Variants in ACSL5 observed in about 807,000 individuals in gnomAD.
ACSL5 encodes long-chain-fatty-acid--CoA ligase 5.
In ACSL5, 50 loss-of-function variants were observed where a neutral mutation model predicts 84.9. That is an observed-to-expected ratio of 0.59 (90% CI 0.47 to 0.75). The LOEUF is 0.75. Among genes scored for constraint, ACSL5 ranks in the 30% least tolerant of loss-of-function variants. The pLI is 0.00. For missense variants in ACSL5, 775 were observed against 830.4 expected, an observed-to-expected ratio of 0.93 and a Z score of 0.82; for synonymous variants, 280 against 300.7, an observed-to-expected ratio of 0.93 and a Z score of 0.71.
At chr10:112,397,329 C>T (rs1334773442) in intron 2 of ACSL5, among the ~76,000 whole-genome samples, 2 of 151,940 alleles carry the variant, frequency 1.3e-5, no homozygotes, top group African/African-American at 2.4e-5. Flanking sequence ...GCCACCACAC[C>T]CAGCTAATTT....
Position 112,410,471 on chromosome 10 carries a change from C to A in ACSL5, c.720C>A (p.Gly240=). 1 of 1,614,146 alleles carries A rather than the reference C, an allele frequency of 6.2e-7. No homozygotes were observed. The highest frequency in any genetic ancestry group is 8.5e-7 in the Non-Finnish European group (1 of 1,180,004). The part of the protein sequence containing the change: ...ILSLYDAENL[G]KEHFRKPVPP... ...GTTTTCCATTCACATAGAACCTAGG[C>A]AAAGAGCACTTCAGAAAACCTGTGG... Residue 240 remains glycine (G), a synonymous_variant, in exon 8 of 21, where the codon GGC becomes GGA. Coordinates refer to ENST00000354655, the MANE Select transcript of ACSL5 (RefSeq NM_203379.2).
In ACSL5 at chr10:112,410,280, C is replaced by T. The variant is rs1240466760; in HGVS notation, c.712-183C>T. 8 of 1,542,960 alleles carry T rather than the reference C, an allele frequency of 5.2e-6. No homozygotes were observed. In the African/African-American group the frequency reaches 9.6e-5, roughly 19 times the overall value. On this transcript the variant is annotated intron_variant, in intron 7 of 20. Coordinates refer to ENST00000354655, the MANE Select transcript of ACSL5 (RefSeq NM_203379.2). ...TAGGTAGATGATTTTCTAGAGAAAT[C>T]TTATGCTCTTCCCTGGGGCTTCCAT... is the stretch of plus-strand genomic sequence containing the variant.
chr10:112,417,244 T>C (rs974582201), intron 13 of ACSL5, among the ~76,000 whole-genome samples: 1 of 144,126 alleles, frequency 6.9e-6, no homozygotes, highest in African/African-American at 2.6e-5. Context: ...GGCTCACACC[T>C]GTAATCCCAG....
At chr10:112,377,083 C>T (rs1422135710) in intron 1 of ACSL5, among the ~76,000 whole-genome samples, 1 of 149,056 alleles carries the variant, frequency 6.7e-6, no homozygotes, top group Non-Finnish European at 1.5e-5. Context: ...GGGACTCTAC[C>T]ACCGGAGACC....
intron 3 of ACSL5, among the ~76,000 whole-genome samples, chr10:112,401,318 T>C (rs1032455748): frequency 5.7e-4 from 87 of 152,360 alleles, no homozygotes; most frequent in African/African-American, 2.0e-3. Flanking sequence ...TTGGGGCTAC[T>C]GTTTAAAATA....
Position 112,425,417 on chromosome 10 carries a change from T to C in ACSL5, c.1673T>C (p.Ile558Thr), listed in dbSNP as rs144236262. The C allele has an allele frequency of 1.3e-4, 207 of 1,613,634 alleles. 1 individual carries two copies. Among genetic ancestry groups the C allele is most frequent in the South Asian group, 3.0e-4 (27 of 91,038 alleles). The change falls in exon 18 of 21, where the codon ATA becomes ACA. Residue 558 changes from isoleucine to threonine, a missense_variant. Physicochemically the swap from Ile to Thr is moderately conservative, Grantham distance 89. Coordinates refer to ENST00000354655, the MANE Select transcript of ACSL5 (RefSeq NM_203379.2). ...GGAGAATACATTGCACCAGAGAAGATAGAAAATATCTACAACAGGAGTCAA... is the reference window on the plus strand; with the variant it reads ...GGAGAATACATTGCACCAGAGAAGACAGAAAATATCTACAACAGGAGTCAA... The part of the protein sequence containing the change: ...AQGEYIAPEK[I>T]ENIYNRSQPV...
chr10:112,404,606 C>G, intron 4 of ACSL5, 31 bp downstream of exon 4: 1 of 1,605,762 alleles, frequency 6.2e-7, no homozygotes, highest in Non-Finnish European at 8.5e-7. Flanking sequence ...TAGACAGATT[C>G]TTTCTAACAT....
Position 112,408,478 on chromosome 10 carries a change from T to C in ACSL5, c.489T>C (p.Tyr163=), listed in dbSNP as rs1177290531. 6.2e-7 allele frequency: 1 copy of C among 1,613,774 alleles called. No individual in the cohort carries two copies. ...YTYSMVAVPL[Y]DTLGPEAIVH... ...ACTCTATGGTAGCTGTACCTCTGTA[T>C]GACACCTTGGGACCAGAAGCCATCG... The change falls in exon 6 of 21, where the codon TAT becomes TAC. Residue 163 remains tyrosine (Y), a synonymous_variant. Transcript: ENST00000354655.
At chr10:112,409,148 T>C (rs1460898210) in intron 6 of ACSL5, 1 of 197,318 alleles carries the variant, frequency 5.1e-6, no homozygotes, top group African/African-American at 2.3e-5. Context: ...AAATCCTATT[T>C]GCCCCCTTCT....
intron 1 of ACSL5, among the ~76,000 whole-genome samples, chr10:112,386,181 C>CTTTTTTTTTTTTTTT (rs11286757): frequency 1.4e-5 from 1 of 71,794 alleles, no homozygotes; most frequent in African/African-American, 5.6e-5. Flanking sequence ...TCCTATAGCT[C>CTTTTTTTTTTTTTTT]TTTTTTTTTT....
intron 1 of ACSL5, among the ~76,000 whole-genome samples, chr10:112,385,429 G>T (rs992373865): frequency 3.3e-5 from 5 of 152,196 alleles, no homozygotes; most frequent in Admixed American, 3.3e-4. Context: ...TACATTTTAT[G>T]ATGTGTAGAG....
intron 1 of ACSL5, among the ~76,000 whole-genome samples, chr10:112,387,518 G>T (rs1199764841): frequency 1.3e-5 from 2 of 152,180 alleles, no homozygotes; most frequent in African/African-American, 4.8e-5. Flanking sequence ...TAGGTTGAGG[G>T]TGGCAGGAAT....
chr10:112,395,010 A>G lies in ACSL5; in HGVS notation c.64A>G (p.Thr22Ala), dbSNP rs1200701748. ...GACCCCGGCGTTGATCTGCATCCTG[A>G]CATTTGGAGCTGCCATCTTCTTGTG... ...LPTPALICIL[T>A]FGAAIFLWLI... The change falls in exon 2 of 21, where the codon ACA (threonine) becomes GCA (alanine). Residue 22 changes from threonine to alanine, a missense_variant. Physicochemically the swap from Thr to Ala is moderately conservative, Grantham distance 58 (BLOSUM62 0). Transcript: ENST00000354655. 6.2e-7 allele frequency: 1 copy of G among 1,613,716 alleles called. No homozygotes were observed. The highest frequency in any genetic ancestry group is 1.3e-5 in the African/African-American group (1 of 74,794).
Position 112,408,500 on chromosome 10 carries a change from A to C in ACSL5, c.511A>C (p.Ile171Leu). 1 of 1,611,898 alleles carries C rather than the reference A, an allele frequency of 6.2e-7. No homozygotes were observed. The highest frequency in any genetic ancestry group is 8.5e-7 in the Non-Finnish European group (1 of 1,177,996). Residue 171 changes from isoleucine (I) to leucine (L), a missense_variant, in exon 6 of 21, where the codon ATC (isoleucine) becomes CTC (leucine). Ile to Leu is a conservative substitution (Grantham distance 5). Coordinates refer to ENST00000354655, the MANE Select transcript of ACSL5 (RefSeq NM_203379.2). The part of the protein sequence containing the change: ...PLYDTLGPEA[I>L]VHIVNKADIA... ...GTATGACACCTTGGGACCAGAAGCC[A>C]TCGTACATATTGTCAACAAGGGTAA...
chr10:112,424,232 A>C (rs908035609), intron 17 of ACSL5, among the ~76,000 whole-genome samples: 2 of 152,248 alleles, frequency 1.3e-5, no homozygotes, highest in African/African-American at 4.8e-5. Context: ...AGTTTTCCTA[A>C]GAAGAAAGGA....
intron 16 of ACSL5, 123 bp downstream of exon 16, chr10:112,422,158 T>C: frequency 8.2e-7 from 1 of 1,214,728 alleles, no homozygotes; most frequent in South Asian, 1.3e-5. Flanking sequence ...AATTAAGCAT[T>C]CTGAACTTCA....
intron 2 of ACSL5, among the ~76,000 whole-genome samples, chr10:112,397,987 G>A (rs892037278): frequency 6.6e-6 from 1 of 151,504 alleles, no homozygotes; most frequent in Non-Finnish European, 1.5e-5. Flanking sequence ...TGCCAGGAGG[G>A]TTACCAAAAA....
At chr10:112,418,754 G>T (rs1428890468) in intron 14 of ACSL5, 1 of 145,138 alleles carries the variant, frequency 6.9e-6, no homozygotes, top group African/African-American at 2.6e-5. Context: ...TGTTATTTAA[G>T]AAATCATAAG....
At chr10:112,403,568 G>C (rs1035959342) in intron 3 of ACSL5, among the ~76,000 whole-genome samples, 1 of 152,252 alleles carries the variant, frequency 6.6e-6, no homozygotes, top group African/African-American at 2.4e-5. Context: ...TTACAGGCAT[G>C]AGCCACTGCG....
Sources: gnomAD v4.1 joint callset for allele counts (sites outside exome capture counted in the v4.1 genomes callset) on GRCh38, gnomAD v4.1.1 for gene constraint, MANE v1.5 for transcripts, NCBI Gene and HGNC (gene_info 2026-07-23, HGNC 2026-07-21) for gene names.